The following FGGY variants were observed in gnomAD, a reference collection of about 807,000 sequenced individuals.
The protein encoded by FGGY is FGGY carbohydrate kinase domain-containing protein.
FGGY carries 72 observed loss-of-function variants against 71.3 expected under a neutral mutation model. The ratio of observed to expected loss-of-function variants is 1.01; its 90% CI spans 0.84 to 1.23. The LOEUF is 1.23. Among genes scored for constraint, FGGY ranks in the 50% most tolerant of loss-of-function variants. FGGY has a pLI of 0.00. For missense variants in FGGY, 668 were observed against 682.3 expected (o/e 0.98, Z 0.23); for synonymous variants, 251 against 250.3 (o/e 1.00, Z -0.02).
chr1:59,735,205 C>G lies in FGGY; in HGVS notation c.1513-22726C>G, dbSNP rs553208662. Among the ~76,000 whole-genome samples the G allele has an allele frequency of 4.6e-5, 7 of 152,266 alleles. No homozygotes were observed. The East Asian group carries it at 1.4e-3, about 29-fold the overall frequency. On this transcript the variant is annotated intron_variant, in intron 14 of 15. Coordinates refer to ENST00000303721, the MANE Select transcript of FGGY (RefSeq NM_018291.5). ...CACTCTCCCCCTCTCCAACCCCACC[C>G]CACTGACTGCACACATGTCTTGGCC...
intron 5 of FGGY, among the ~76,000 whole-genome samples, chr1:59,399,279 C>T (rs1450478029): frequency 2.0e-5 from 3 of 152,022 alleles, no homozygotes; most frequent in South Asian, 2.1e-4. Context: ...CTTGTTGTGT[C>T]GTCTTGGGCA....
intron 5 of FGGY, among the ~76,000 whole-genome samples, chr1:59,406,468 G>C (rs765784250): frequency 2.0e-5 from 3 of 152,254 alleles, no homozygotes; most frequent in East Asian, 1.9e-4. Flanking sequence ...AGAAAGCTGC[G>C]ATGTGCCTTA....
chr1:59,586,570 A>G (rs1254560790), intron 8 of FGGY, among the ~76,000 whole-genome samples: 1 of 152,262 alleles, frequency 6.6e-6, no homozygotes, highest in East Asian at 1.9e-4. Flanking sequence ...TGACGAGTTA[A>G]TGGATGCAGC....
intron 11 of FGGY, among the ~76,000 whole-genome samples, chr1:59,644,057 G>A (rs1222936356): frequency 6.6e-6 from 1 of 152,090 alleles, no homozygotes; most frequent in African/African-American, 2.4e-5. Flanking sequence ...CTGTTCTTCT[G>A]ACCACCAACC....
intron 12 of FGGY, 92 bp from the exon 13 acceptor site, chr1:59,667,191 C>T: frequency 6.9e-7 from 1 of 1,443,156 alleles, no homozygotes; most frequent in Non-Finnish European, 9.7e-7. Flanking sequence ...GAGCTTAGTA[C>T]AGTGTCTAGC....
intron 14 of FGGY, among the ~76,000 whole-genome samples, chr1:59,734,623 A>C (rs1274271678): frequency 6.6e-6 from 1 of 152,232 alleles, no homozygotes. Flanking sequence ...ATACATGCAT[A>C]TAGACACAGA....
chr1:59,630,218 C>T (rs2096895893), intron 10 of FGGY, among the ~76,000 whole-genome samples: 1 of 152,138 alleles, frequency 6.6e-6, no homozygotes, highest in Non-Finnish European at 1.5e-5. Flanking sequence ...CCAACCAGGT[C>T]CCTCCCACAA....
At chr1:59,614,626 A>G (rs1187321595) in intron 9 of FGGY, among the ~76,000 whole-genome samples, 1 of 152,160 alleles carries the variant, frequency 6.6e-6, no homozygotes. Flanking sequence ...GCTATTCAAC[A>G]TAGTGTTGGA....
At chr1:59,624,338 C>A (rs375514834) in intron 9 of FGGY, among the ~76,000 whole-genome samples, 1 of 152,128 alleles carries the variant, frequency 6.6e-6, no homozygotes, top group Non-Finnish European at 1.5e-5. Context: ...GATATTCAAT[C>A]TCTTTGAGCT....
chr1:59,432,813 T>C (rs2067652664), intron 5 of FGGY, among the ~76,000 whole-genome samples: 1 of 152,164 alleles, frequency 6.6e-6, no homozygotes, highest in Non-Finnish European at 1.5e-5. Flanking sequence ...TTCCCATTCC[T>C]AGTTTCAGAA....
intron 8 of FGGY, among the ~76,000 whole-genome samples, chr1:59,591,735 T>C (rs558275333): frequency 2.0e-5 from 3 of 152,312 alleles, no homozygotes; most frequent in Admixed American, 6.5e-5. Flanking sequence ...TGGCTAGCCA[T>C]ATGTAGAAAG....
At chr1:59,464,277 A>C (rs1462896182) in intron 6 of FGGY, among the ~76,000 whole-genome samples, 1 of 152,258 alleles carries the variant, frequency 6.6e-6, no homozygotes, top group African/African-American at 2.4e-5. Flanking sequence ...TGGGTAAATA[A>C]TGAAATGAAT....
rs1553142268 is a variant in FGGY, at chr1:59,325,375, C to CAACAAAAACAACAACAAA, written c.201+3630_201+3631insAAACAACAACAAAAACAA. Among the ~76,000 whole-genome samples the CAACAAAAACAACAACAAA allele has an allele frequency of 1.2e-3, 190 of 152,096 alleles. 1 individual carries two copies. The highest frequency in any genetic ancestry group is 4.3e-3 in the African/African-American group (178 of 41,466). ...CCGTGTCCAACAACAGCAACAACAA[C>CAACAAAAACAACAACAAA]AACAACAACAAAAACAGTAAGCTTA... On this transcript the variant is annotated intron_variant, in intron 2 of 15. Transcript: ENST00000303721.
At chr1:59,720,911 A>G (rs2097886078) in intron 14 of FGGY, among the ~76,000 whole-genome samples, 1 of 152,154 alleles carries the variant, frequency 6.6e-6, no homozygotes, top group African/African-American at 2.4e-5. Context: ...CCACTTGCCC[A>G]AACTGCCCCA....
intron 15 of FGGY, among the ~76,000 whole-genome samples, chr1:59,758,771 A>G (rs1386936676): frequency 6.6e-6 from 1 of 152,218 alleles, no homozygotes; most frequent in African/African-American, 2.4e-5. Context: ...CCAGAAACAC[A>G]AAGTATGAGA....
At chr1:59,454,136 A>C (rs2091458847) in intron 5 of FGGY, among the ~76,000 whole-genome samples, 1 of 152,156 alleles carries the variant, frequency 6.6e-6, no homozygotes, top group Non-Finnish European at 1.5e-5. Context: ...AAGATAGGTG[A>C]AAGGAGTAAT....
intron 4 of FGGY, among the ~76,000 whole-genome samples, chr1:59,378,357 C>G (rs764229386): frequency 9.9e-5 from 15 of 151,898 alleles, no homozygotes; most frequent in Non-Finnish European, 1.6e-4. Context: ...GCTCTCATTT[C>G]TCTCTGTGGT....
intron 1 of FGGY, among the ~76,000 whole-genome samples, chr1:59,305,986 T>C (rs1246995571): frequency 6.6e-6 from 1 of 152,238 alleles, no homozygotes; most frequent in African/African-American, 2.4e-5. Flanking sequence ...GGGCTTGGCC[T>C]GTGTTCATCC....
At chr1:59,347,154 G>A (rs2052191361) in intron 4 of FGGY, among the ~76,000 whole-genome samples, 2 of 150,460 alleles carry the variant, frequency 1.3e-5, no homozygotes, top group South Asian at 4.2e-4. Flanking sequence ...GTGCAGGTTA[G>A]TTACATATGT....
Sources: allele counts gnomAD v4.1 joint callset (sites outside exome capture counted in the v4.1 genomes callset), GRCh38; gene constraint gnomAD v4.1.1; transcripts MANE v1.5; gene names NCBI Gene and HGNC (gene_info 2026-07-23, HGNC 2026-07-21).